HECTD4: variants seen among roughly 807,000 people sequenced by gnomAD.
HECTD4 encodes HECT domain E3 ubiquitin protein ligase 4.
A neutral mutation model predicts 471.5 loss-of-function variants in HECTD4; 114 were observed. The ratio of observed to expected loss-of-function variants is 0.24; its 90% CI spans 0.21 to 0.28. HECTD4 has a LOEUF of 0.28. HECTD4 is among the 10% of genes least tolerant of loss of function. The probability of loss-of-function intolerance (pLI) is 1.00; values close to 1 mark genes in which losing one functional copy is unlikely to be tolerated. For missense variants in HECTD4, 3,866 were observed against 5,651.5 expected, an observed-to-expected ratio of 0.68 and a Z score of 10.13; for synonymous variants, 2,012 against 2,256.0, an observed-to-expected ratio of 0.89 and a Z score of 3.07.
intron 1 of HECTD4, among the ~76,000 whole-genome samples, chr12:112,333,720 T>C (rs1414311975): frequency 1.3e-5 from 2 of 152,046 alleles, no homozygotes; most frequent in African/African-American, 4.8e-5. Context: ...ATGCAAGGGA[T>C]AGAAAAACAT....
rs2031335299 is a variant in HECTD4, at chr12:112,173,943, A to G, written c.11595-1082T>C. ...TCTCAATTCTGAAAATGGATTTTTAAAAAAAGCATGTTTTGGTAGCCATTT... is the reference window on the plus strand; with the variant it reads ...TCTCAATTCTGAAAATGGATTTTTAGAAAAAGCATGTTTTGGTAGCCATTT... On this transcript the variant is annotated intron_variant, in intron 66 of 75. Transcript: ENST00000682272. This position sits in a 1 kb window ranked among gnomAD's most constrained non-coding sequence, Gnocchi z 4.3. Among the ~76,000 whole-genome samples, 1 of 152,152 alleles carries G rather than the reference A, an allele frequency of 6.6e-6. No homozygotes were observed. Among genetic ancestry groups the G allele is most frequent in the South Asian group, 2.1e-4 (1 of 4,830 alleles).
intron 14 of HECTD4, among the ~76,000 whole-genome samples, chr12:112,266,399 A>G (rs1308294125): frequency 6.6e-6 from 1 of 152,276 alleles, no homozygotes; most frequent in Non-Finnish European, 1.5e-5. Flanking sequence ...CAGTGGAGAC[A>G]GAAAGTTTAT....
chr12:112,228,098 A>G lies in HECTD4; in HGVS notation c.6845T>C (p.Ile2282Thr), dbSNP rs775778478. The change falls in exon 43 of 76, where the codon ATA (isoleucine) becomes ACA (threonine). Residue 2282 changes from isoleucine (I) to threonine (T), a missense_variant. By Grantham distance (89) the Ile-to-Thr change is moderately conservative. Around this residue, in one of 16 missense-constraint regions of HECTD4, gnomAD observed 617 missense variants for 915.1 expected, o/e 0.67. Coordinates refer to ENST00000682272, the MANE Select transcript of HECTD4 (RefSeq NM_001388303.1). The surrounding 1 kb of genome is among the most constrained non-coding windows in gnomAD (Gnocchi z 4.9). ...VMAVVRLLAE[I>T]RTRACLVMAQ... ...TGGGGAGGGTACTCACCTTGTCCTT[A>G]TTTCAGCAAGGAGCCGAACGACTGC... 7 of 1,611,868 alleles carry G rather than the reference A, an allele frequency of 4.3e-6. No individual in the cohort carries two copies. Among genetic ancestry groups the G allele is most frequent in the South Asian group, 3.3e-5 (3 of 90,772 alleles).
intron 61 of HECTD4, 115 bp from the exon 62 acceptor site, chr12:112,183,381 G>A: frequency 4.9e-6 from 4 of 822,970 alleles, no homozygotes; most frequent in Non-Finnish European, 7.9e-6. Context: ...GCAGAGATGT[G>A]AAAGCTGCCC....
intron 64 of HECTD4, among the ~76,000 whole-genome samples, 195 bp from the exon 65 acceptor site, chr12:112,176,897 C>T (rs533344131): frequency 2.0e-5 from 3 of 152,264 alleles, no homozygotes; most frequent in South Asian, 2.1e-4. Context: ...AGGACATATC[C>T]GTGCCTTAAA....
intron 40 of HECTD4, 61 bp from the exon 41 acceptor site, chr12:112,229,941 G>GTGA: frequency 1.4e-6 from 2 of 1,458,540 alleles, no homozygotes; most frequent in Non-Finnish European, 1.9e-6. Context: ...GATGCCAAGG[G>GTGA]TGATAAAGTG....
chr12:112,302,900 A>G (rs2035193507), intron 7 of HECTD4, among the ~76,000 whole-genome samples: 1 of 151,474 alleles, frequency 6.6e-6, no homozygotes, highest in Non-Finnish European at 1.5e-5. Context: ...TATTTTTTTA[A>G]CCCATTTGCC....
intron 28 of HECTD4, 79 bp downstream of exon 28, chr12:112,247,383 C>A (rs1029700570): frequency 9.9e-6 from 7 of 705,714 alleles, no homozygotes; most frequent in African/African-American, 1.9e-5. Flanking sequence ...AAAAATATAT[C>A]TATTAAGAGA....
At chr12:112,180,483 C>G (rs988174433) in intron 62 of HECTD4, among the ~76,000 whole-genome samples, 3 of 150,864 alleles carry the variant, frequency 2.0e-5, no homozygotes, top group Non-Finnish European at 4.4e-5. Context: ...TGCAGTGAGC[C>G]GATATGGTAC....
chr12:112,200,889 G>A, intron 54 of HECTD4, 91 bp from the exon 55 acceptor site: 2 of 795,486 alleles, frequency 2.5e-6, no homozygotes, highest in Non-Finnish European at 3.9e-6. Flanking sequence ...GCGTGCGTGT[G>A]TGTGTGTGTG....
intron 1 of HECTD4, among the ~76,000 whole-genome samples, chr12:112,348,473 A>T (rs775441206): frequency 2.3e-4 from 35 of 152,332 alleles, no homozygotes; most frequent in African/African-American, 4.8e-4. Flanking sequence ...CTATTTTTAT[A>T]AAAAATGTGG....
intron 5 of HECTD4, 116 bp from the exon 6 acceptor site, chr12:112,309,007 T>A: frequency 9.5e-7 from 1 of 1,048,396 alleles, no homozygotes; most frequent in Non-Finnish European, 1.3e-6. Flanking sequence ...AGTAAGTATG[T>A]AAAACATCTG....
chr12:112,235,455 A>G lies in HECTD4; in HGVS notation c.5725+49T>C. On this transcript the variant is annotated intron_variant, in intron 36 of 75. Transcript: ENST00000682272. The surrounding 1 kb of genome is among the most constrained non-coding windows in gnomAD (Gnocchi z 5.0). The stretch of plus-strand genomic sequence containing the variant: ...AGATGCAAGGGGGACCTGACTGGGC[A>G]CAGGAATGCTGCACTGCCATGCTAC... 1 of 1,555,154 alleles carries G rather than the reference A, an allele frequency of 6.4e-7. No homozygotes were observed. Among genetic ancestry groups the G allele is most frequent in the Non-Finnish European group, 8.7e-7 (1 of 1,151,532 alleles).
intron 68 of HECTD4, 144 bp from the exon 69 acceptor site, chr12:112,170,596 T>A: frequency 1.0e-6 from 1 of 999,456 alleles, no homozygotes; most frequent in Non-Finnish European, 1.5e-6. Flanking sequence ...TGGAGGGTGG[T>A]GTGTCAGCAT....
At chr12:112,236,729 T>G (rs1160200112) in intron 35 of HECTD4, among the ~76,000 whole-genome samples, 2 of 152,222 alleles carry the variant, frequency 1.3e-5, no homozygotes, top group Non-Finnish European at 2.9e-5. Flanking sequence ...GATATATTAT[T>G]TTATGATTTA....
rs544391333 is a variant in HECTD4, at chr12:112,265,511, A to G, written c.2499-216T>C. Among the ~76,000 whole-genome samples, 5 of 152,352 alleles carry G rather than the reference A, an allele frequency of 3.3e-5. 1 individual carries two copies. The highest frequency in any genetic ancestry group is 1.2e-4 in the African/African-American group (5 of 41,576). ...ACTACAAAGTCAAAGTATTTTATAAATAACATATAAAAACAACACCTTCGT... is the reference window on the plus strand; with the variant it reads ...ACTACAAAGTCAAAGTATTTTATAAGTAACATATAAAAACAACACCTTCGT... On this transcript the variant is annotated intron_variant, in intron 15 of 75. Coordinates refer to ENST00000682272, the MANE Select transcript of HECTD4 (RefSeq NM_001388303.1).
At chr12:112,372,655 C>G (rs2036704429) in intron 1 of HECTD4, among the ~76,000 whole-genome samples, 1 of 152,040 alleles carries the variant, frequency 6.6e-6, no homozygotes, top group Admixed American at 6.6e-5. Context: ...GTCTTGAACT[C>G]CTGGCCTCAA....
At position 112,185,087 on chromosome 12, in the gene HECTD4, G is replaced by GGAGGAC. The variant is rs1301272691; in HGVS notation, c.9873_9878dup (p.Ser3297_Ser3298dup). The GGAGGAC allele has an allele frequency of 3.2e-6, 5 of 1,576,206 alleles. No individual in the cohort carries two copies. The highest frequency in any genetic ancestry group is 4.3e-6 in the Non-Finnish European group (5 of 1,160,430). ...TCTGTCCTGGGGAGGACGAGGAGGA[G>GGAGGAC]GAGGACGAGTCACTGAGATTTGGGG... On this transcript the variant is annotated inframe_insertion, in exon 61 of 76. Coordinates refer to ENST00000682272, the MANE Select transcript of HECTD4 (RefSeq NM_001388303.1).
intron 1 of HECTD4, among the ~76,000 whole-genome samples, chr12:112,343,536 A>C (rs2036089603): frequency 6.6e-6 from 1 of 152,150 alleles, no homozygotes; most frequent in Non-Finnish European, 1.5e-5. Flanking sequence ...TGGGGAGACC[A>C]GGGAGGGAGG....
Sources: allele counts gnomAD v4.1 joint callset (sites outside exome capture counted in the v4.1 genomes callset), GRCh38; gene constraint gnomAD v4.1.1; regional missense constraint gnomAD v4.1.1; non-coding constraint Gnocchi (gnomAD v3.1); transcripts MANE v1.5; gene names NCBI Gene and HGNC (gene_info 2026-07-23, HGNC 2026-07-21).